RBFOX1: variants seen among roughly 807,000 people sequenced by gnomAD.
RBFOX1 encodes RNA binding protein fox-1 homolog 1.
A neutral mutation model predicts 57.7 loss-of-function variants in RBFOX1; 8 were observed. The ratio of observed to expected loss-of-function variants is 0.14; its 90% confidence interval spans 0.08 to 0.25. The LOEUF (loss-of-function observed/expected upper bound fraction) is 0.25. Ranked by LOEUF, RBFOX1 falls within the 10% of genes least tolerant of loss-of-function variation. The probability of loss-of-function intolerance (pLI) is 1.00; values close to 1 mark genes in which losing one functional copy is unlikely to be tolerated. For missense variants in RBFOX1, 611 were observed against 548.5 expected, an observed-to-expected ratio of 1.11 and a Z score of -1.14; for synonymous variants, 326 against 222.4, an observed-to-expected ratio of 1.47 and a Z score of -4.15.
chr16:7,143,975 C>A (rs150953065), intron 4 of RBFOX1, among the ~76,000 whole-genome samples: 1 of 152,096 alleles, frequency 6.6e-6, no homozygotes. Flanking sequence ...TCATAACTCT[C>A]TTTAAACCAT....
At chr16:7,275,649 G>T (rs1216089329) in intron 4 of RBFOX1, among the ~76,000 whole-genome samples, 2 of 151,238 alleles carry the variant, frequency 1.3e-5, no homozygotes, top group African/African-American at 4.8e-5. Context: ...GAGCTTATCT[G>T]TTTCGGGGAA....
chr16:7,107,168 G>A (rs1359687807), intron 4 of RBFOX1, among the ~76,000 whole-genome samples: 3 of 152,288 alleles, frequency 2.0e-5, no homozygotes, highest in African/African-American at 4.8e-5. Context: ...AACAGAAAGT[G>A]CAAAGCCATC....
chr16:6,083,834 A>G (rs2096046934), intron 1 of RBFOX1, among the ~76,000 whole-genome samples: 1 of 151,810 alleles, frequency 6.6e-6, no homozygotes. Flanking sequence ...CCACCTTCCC[A>G]TCTTCTCTAA....
At chr16:6,890,731 G>A (rs1408482470) in intron 3 of RBFOX1, among the ~76,000 whole-genome samples, 4 of 152,194 alleles carry the variant, frequency 2.6e-5, no homozygotes, top group African/African-American at 7.2e-5. Context: ...TGGAGAAGAA[G>A]GAGAGTGCCT....
intron 11 of RBFOX1, among the ~76,000 whole-genome samples, chr16:7,652,618 G>A (rs574989393): frequency 3.3e-5 from 5 of 152,238 alleles, no homozygotes; most frequent in African/African-American, 1.2e-4. Flanking sequence ...GTATTGGCCA[G>A]GCTGGTCTCG....
intron 4 of RBFOX1, among the ~76,000 whole-genome samples, chr16:7,319,278 A>C (rs190568490): frequency 2.6e-5 from 4 of 152,172 alleles, no homozygotes; most frequent in African/African-American, 4.8e-5. Context: ...TTGTTGGGGG[A>C]GATGTAAATG....
intron 10 of RBFOX1, among the ~76,000 whole-genome samples, chr16:7,621,085 C>T (rs1002772720): frequency 3.3e-5 from 5 of 151,902 alleles, no homozygotes; most frequent in African/African-American, 1.2e-4. Flanking sequence ...TAGAAGAGTC[C>T]CAGGGGATTC....
intron 4 of RBFOX1, among the ~76,000 whole-genome samples, chr16:7,119,895 A>G (rs1322506073): frequency 6.6e-6 from 1 of 152,142 alleles, no homozygotes; most frequent in African/African-American, 2.4e-5. Flanking sequence ...CAGCAGCAGG[A>G]TGTCCGTTCT....
chr16:5,772,111 G>T (rs575494448), intron 3 of RBFOX1, among the ~76,000 whole-genome samples: 1 of 152,214 alleles, frequency 6.6e-6, no homozygotes, highest in South Asian at 2.1e-4. Flanking sequence ...GGCGGAGGTT[G>T]CAATGAGCCG....
intron 1 of RBFOX1, among the ~76,000 whole-genome samples, chr16:5,293,310 G>A (rs777624010): frequency 2.6e-5 from 4 of 152,064 alleles, no homozygotes; most frequent in Admixed American, 2.0e-4. Context: ...AGATAAAATC[G>A]GTCACGCTGT....
At chr16:7,134,696 T>G (rs1350732118) in intron 4 of RBFOX1, among the ~76,000 whole-genome samples, 1 of 152,232 alleles carries the variant, frequency 6.6e-6, no homozygotes, top group Admixed American at 6.5e-5. Flanking sequence ...TTAGAAATCC[T>G]GACTGTGAAA....
intron 3 of RBFOX1, among the ~76,000 whole-genome samples, chr16:5,743,567 G>C (rs1224845875): frequency 6.6e-6 from 1 of 152,168 alleles, no homozygotes; most frequent in Non-Finnish European, 1.5e-5. Context: ...GTTGTGTTAA[G>C]TAAAACCTAT....
chr16:6,583,304 C>T (rs2097563276), intron 2 of RBFOX1, among the ~76,000 whole-genome samples: 1 of 152,106 alleles, frequency 6.6e-6, no homozygotes, highest in East Asian at 1.9e-4. Context: ...CTACCTTTCC[C>T]TGAGACACTT....
At chr16:5,725,916 C>G (rs34497675) in intron 3 of RBFOX1, among the ~76,000 whole-genome samples, 24,246 of 151,766 alleles carry the variant, frequency 0.16, 2,435 homozygotes, top group East Asian at 0.34. Context: ...CCTGAGCACT[C>G]AGTTCCTTCC....
chr16:5,732,752 T>A (rs2052426333), intron 3 of RBFOX1, among the ~76,000 whole-genome samples: 1 of 152,150 alleles, frequency 6.6e-6, no homozygotes. Flanking sequence ...AGTGTGAGAT[T>A]CTCCCAGGTC....
At chr16:5,781,709 T>G (rs2054330063) in intron 3 of RBFOX1, among the ~76,000 whole-genome samples, 1 of 152,254 alleles carries the variant, frequency 6.6e-6, no homozygotes, top group South Asian at 2.1e-4. Flanking sequence ...AATTGCCCTG[T>G]GGGCTATATT....
At chr16:5,941,493 GAA>G (rs1031930628) in intron 4 of RBFOX1, among the ~76,000 whole-genome samples, 2 of 141,154 alleles carry the variant, frequency 1.4e-5, no homozygotes, top group Admixed American at 7.1e-5. Context: ...TTATCTCAAG[GAA>G]AAAAAAAAAG....
chr16:7,531,470 C>A (rs1014391196), intron 5 of RBFOX1, among the ~76,000 whole-genome samples: 2 of 152,064 alleles, frequency 1.3e-5, no homozygotes, highest in Non-Finnish European at 2.9e-5. Flanking sequence ...ATGAGAAAAC[C>A]AGAACATAGA....
intron 4 of RBFOX1, among the ~76,000 whole-genome samples, chr16:7,178,599 C>G (rs1015044931): frequency 6.6e-6 from 1 of 152,178 alleles, no homozygotes; most frequent in Non-Finnish European, 1.5e-5. Flanking sequence ...CAGAATTTAA[C>G]CAGTTATCTA....
Sources: allele counts gnomAD v4.1 joint callset (sites outside exome capture counted in the v4.1 genomes callset), GRCh38; gene constraint gnomAD v4.1.1; transcripts MANE v1.5; gene names NCBI Gene and HGNC (gene_info 2026-07-23, HGNC 2026-07-21).